The following SYNE2 variants were observed in gnomAD, a reference collection of about 807,000 sequenced individuals.
The protein encoded by SYNE2 is nesprin-2.
Under a neutral mutation model 856.3 loss-of-function variants are expected in SYNE2, and 431 were observed. The ratio of observed to expected loss-of-function variants is 0.50; its 90% confidence interval spans 0.47 to 0.55. The LOEUF (loss-of-function observed/expected upper bound fraction) is 0.55, where lower values mean the gene tolerates loss of function less well. SYNE2 is among the 20% of genes least tolerant of loss of function. The pLI is 0.00. For synonymous variants in SYNE2, 2,923 were observed against 2,872.3 expected, an observed-to-expected ratio of 1.02 and a Z score of -0.56; for missense variants, 8,129 against 8,023.2, an observed-to-expected ratio of 1.01 and a Z score of -0.50.
Position 64,211,979 on chromosome 14 carries a change from G to A in SYNE2, c.18742G>A (p.Glu6248Lys). ...TTTGCAGCATTTCACCAACCAGAGGGAAGAATTTGAGGGCACCAGGGAGAG... is the reference window on the plus strand; with the variant it reads ...TTTGCAGCATTTCACCAACCAGAGGAAAGAATTTGAGGGCACCAGGGAGAG... ...RRLRHFTNQR[E>K]EFEGTRESIL... The change falls in exon 104 of 116, where the codon GAA becomes AAA. Residue 6248 changes from glutamate to lysine, a missense_variant. By Grantham distance (56) the Glu-to-Lys change is moderately conservative. This residue lies in a region of SYNE2 where 5,410 missense variants were observed against 5,284.8 expected (regional missense o/e 1.02). Coordinates refer to ENST00000555002, the MANE Select transcript of SYNE2 (RefSeq NM_182914.3). The A allele has an allele frequency of 6.2e-7, 1 of 1,614,100 alleles. No individual in the cohort carries two copies. The highest frequency in any genetic ancestry group is 8.5e-7 in the Non-Finnish European group (1 of 1,180,020).
intron 3 of SYNE2, 55 bp downstream of exon 3, chr14:63,940,730 C>G: frequency 6.5e-7 from 1 of 1,536,942 alleles, no homozygotes; most frequent in Non-Finnish European, 9.0e-7. Flanking sequence ...TCCCCCTACT[C>G]CTTCTGTTTT....
Position 63,950,002 on chromosome 14 carries a change from G to C in SYNE2, c.586G>C (p.Ala196Pro). The C allele has an allele frequency of 6.2e-7, 1 of 1,613,980 alleles. No individual in the cohort carries two copies. The highest frequency in any genetic ancestry group is 1.1e-5 in the South Asian group (1 of 91,074). The change falls in exon 7 of 116, where the codon GCC (alanine) becomes CCC (proline). Residue 196 changes from alanine to proline, a missense_variant. By Grantham distance (27) the Ala-to-Pro change is conservative (BLOSUM62 -1). Around this residue, in one of 3 missense-constraint regions of SYNE2, gnomAD observed 2,422 missense variants for 2,357.4 expected, o/e 1.03. Transcript: ENST00000555002. ...TCTTTTGTGGGCTCAGGAACAATGC[G>C]CCACGTAAGTAGTTTGCTATGACCC... Reference protein sequence around the residue: ...ALLLWAQEQCATYESVNVTDF... With the variant: ...ALLLWAQEQCPTYESVNVTDF...
chr14:63,999,006 G>C lies in SYNE2; in HGVS notation c.3446G>C (p.Ser1149Thr). The C allele has an allele frequency of 6.2e-7, 1 of 1,613,816 alleles. No homozygotes were observed. ...TTCTCTAGTGAAGAGGACAGGAGTA[G>C]TTCTTGTCTGCAGGCTAAACTGACA... ...SDFSSEEDRS[S>T]SCLQAKLTDL... The change falls in exon 27 of 116, where the codon AGT becomes ACT. Residue 1149 changes from serine (S) to threonine (T), a missense_variant. Transcript: ENST00000555002.
intron 81 of SYNE2, 59 bp from the exon 82 acceptor site, chr14:64,141,883 T>A (rs1364142709): frequency 6.3e-7 from 1 of 1,592,820 alleles, no homozygotes; most frequent in Non-Finnish European, 8.6e-7. Flanking sequence ...TCTTTAGTGA[T>A]GCTCTGATTC....
chr14:64,132,339 G>A lies in SYNE2; in HGVS notation c.14415G>A (p.Leu4805=). 1 of 1,614,050 alleles carries A rather than the reference G, an allele frequency of 6.2e-7. No homozygotes were observed. Among genetic ancestry groups the A allele is most frequent in the Non-Finnish European group, 8.5e-7 (1 of 1,180,024 alleles). ...AYSAKILPSL[L]QNRETFWAEQ... ...CTGCCAAAATACTTCCTTCTTTATT[G>A]CAAAACAGAGAGACATTTTGGGCAG... Residue 4805 remains leucine (L), a synonymous_variant, in exon 77 of 116, where the codon TTG becomes TTA. Coordinates refer to ENST00000555002, the MANE Select transcript of SYNE2 (RefSeq NM_182914.3).
intron 49 of SYNE2, among the ~76,000 whole-genome samples, chr14:64,059,841 T>C (rs1433839048): frequency 6.6e-6 from 1 of 152,222 alleles, no homozygotes; most frequent in Non-Finnish European, 1.5e-5. Flanking sequence ...CTTAGGAATC[T>C]ACCTGGTGCT....
intron 27 of SYNE2, among the ~76,000 whole-genome samples, chr14:63,999,345 G>A (rs889687796): frequency 2.0e-5 from 3 of 152,142 alleles, no homozygotes; most frequent in Non-Finnish European, 2.9e-5. Context: ...AGGCTTCAAG[G>A]GAATTGATCA....
chr14:63,769,008 C>T (rs1886793361), intron 1 of SYNE2, among the ~76,000 whole-genome samples: 1 of 152,114 alleles, frequency 6.6e-6, no homozygotes, highest in Admixed American at 6.6e-5. Context: ...AGCATGGTGG[C>T]TTACACCTTT....
At chr14:63,824,054 A>G (rs1019509377) in intron 1 of SYNE2, among the ~76,000 whole-genome samples, 4 of 152,200 alleles carry the variant, frequency 2.6e-5, no homozygotes, top group African/African-American at 9.6e-5. Context: ...AAAAATAACT[A>G]AAAGAGGAGT....
At chr14:63,882,354 G>A (rs1276094318) in intron 1 of SYNE2, among the ~76,000 whole-genome samples, 1 of 152,112 alleles carries the variant, frequency 6.6e-6, no homozygotes, top group Non-Finnish European at 1.5e-5. Context: ...TCCATATGTT[G>A]TATTTATCAG....
At chr14:64,036,473 C>T (rs566295151) in intron 45 of SYNE2, among the ~76,000 whole-genome samples, 3 of 151,988 alleles carry the variant, frequency 2.0e-5, no homozygotes, top group South Asian at 2.1e-4. Flanking sequence ...TTGGTAGAGA[C>T]GGGGTTTCAC....
At chr14:64,001,810 A>T in intron 28 of SYNE2, 124 bp from the exon 29 acceptor site, 1 of 1,069,872 alleles carries the variant, frequency 9.3e-7, no homozygotes, top group Non-Finnish European at 1.4e-6. Context: ...GTATGTATAT[A>T]TCATTGTATG....
At chr14:63,867,505 C>T (rs1895701435) in intron 1 of SYNE2, among the ~76,000 whole-genome samples, 1 of 151,824 alleles carries the variant, frequency 6.6e-6, no homozygotes, top group Admixed American at 6.6e-5. Context: ...CGACACCAGC[C>T]CGGCCAACAA....
At chr14:63,852,135 A>G (rs1242379153), upstream of SYNE2, among the ~76,000 whole-genome samples, 2 of 152,016 alleles carry the variant, frequency 1.3e-5, no homozygotes, top group Non-Finnish European at 2.9e-5. Flanking sequence ...AAAATGAAAA[A>G]GTTAAATTTG....
At chr14:63,867,417 G>T (rs1895678780) in intron 1 of SYNE2, among the ~76,000 whole-genome samples, 1 of 151,474 alleles carries the variant, frequency 6.6e-6, no homozygotes, top group Admixed American at 6.6e-5. Flanking sequence ...GAGAGAAAGG[G>T]CCAGGTGTGG....
chr14:64,193,339 C>T (rs1351860693), intron 99 of SYNE2, among the ~76,000 whole-genome samples: 1 of 152,180 alleles, frequency 6.6e-6, no homozygotes, highest in Non-Finnish European at 1.5e-5. Context: ...CACCTGCAGT[C>T]GGGAGTTTGA....
intron 63 of SYNE2, among the ~76,000 whole-genome samples, 167 bp from the exon 64 acceptor site, chr14:64,101,765 T>C (rs2097731720): frequency 6.6e-6 from 1 of 152,132 alleles, no homozygotes; most frequent in Non-Finnish European, 1.5e-5. Context: ...CATGATATAG[T>C]TAGTAAAAAA....
chr14:64,225,131 C>T, intron 115 of SYNE2, 86 bp downstream of exon 115: 8 of 1,572,214 alleles, frequency 5.1e-6, no homozygotes, highest in Non-Finnish European at 7.0e-6. Context: ...TATCAAGGTC[C>T]TTGCAAAAAT....
intron 32 of SYNE2, among the ~76,000 whole-genome samples, chr14:64,010,555 C>G (rs1234261946): frequency 6.6e-6 from 1 of 152,136 alleles, no homozygotes; most frequent in Non-Finnish European, 1.5e-5. Flanking sequence ...TACCACTTTG[C>G]TCCATCTATG....
Sources: allele counts gnomAD v4.1 joint callset (sites outside exome capture counted in the v4.1 genomes callset), GRCh38; gene constraint gnomAD v4.1.1; regional missense constraint gnomAD v4.1.1; transcripts MANE v1.5; gene names NCBI Gene and HGNC (gene_info 2026-07-23, HGNC 2026-07-21).